The following SEMA5B variants were observed in gnomAD, a reference collection of about 807,000 sequenced individuals.
The protein encoded by SEMA5B is semaphorin 5B.
In SEMA5B, 66 loss-of-function variants were observed where a neutral mutation model predicts 135.0. The observed-to-expected ratio is 0.49, with a 90% CI of 0.40 to 0.60. The LOEUF (loss-of-function observed/expected upper bound fraction) is 0.60, where lower values mean the gene tolerates loss of function less well. Among genes scored for constraint, SEMA5B ranks in the 20% least tolerant of loss-of-function variants. The pLI, the probability that SEMA5B is intolerant of heterozygous loss-of-function variation, is 0.00. For synonymous variants in SEMA5B, 690 were observed against 639.5 expected, an observed-to-expected ratio of 1.08 and a Z score of -1.19; for missense variants, 1,501 against 1,566.3, an observed-to-expected ratio of 0.96 and a Z score of 0.70.
chr3:122,971,983 C>G (rs1053249786), intron 1 of SEMA5B, among the ~76,000 whole-genome samples: 4 of 152,348 alleles, frequency 2.6e-5, no homozygotes, highest in African/African-American at 7.2e-5. Flanking sequence ...GATACTTGTG[C>G]ACTGAGAGCG....
chr3:122,937,150 G>A lies in SEMA5B; in HGVS notation c.474+2275C>T, dbSNP rs375314721. On this transcript the variant is annotated intron_variant, in intron 5 of 22. Transcript: ENST00000357599. ...AGGGAGAGTAGAGGAAGCTGGGCGG[G>A]GGCACCCTGGCCCAGCCGCCCTTGT... is the stretch of plus-strand genomic sequence containing the variant. Among the ~76,000 whole-genome samples, 299 of 152,314 alleles carry A rather than the reference G, an allele frequency of 2.0e-3. 6 individuals are homozygous for A. The South Asian group carries it at 0.039, about 20-fold the overall frequency.
chr3:122,979,055 T>C (rs990571741), intron 1 of SEMA5B, among the ~76,000 whole-genome samples: 3 of 152,022 alleles, frequency 2.0e-5, no homozygotes, highest in Non-Finnish European at 4.4e-5. Context: ...ACAAAGAATG[T>C]CTTGAAAAGA....
At chr3:123,020,871 C>G (rs1164905394) in intron 1 of SEMA5B, among the ~76,000 whole-genome samples, 1 of 152,208 alleles carries the variant, frequency 6.6e-6, no homozygotes, top group Non-Finnish European at 1.5e-5. Flanking sequence ...GGCTGTTCAC[C>G]CCACTTCACA....
At chr3:122,939,961 A>G (rs934295546) in intron 4 of SEMA5B, among the ~76,000 whole-genome samples, 1 of 151,938 alleles carries the variant, frequency 6.6e-6, no homozygotes, top group African/African-American at 2.4e-5. Flanking sequence ...CTGGCTCCAC[A>G]TCCCGGGGTC....
intron 1 of SEMA5B, among the ~76,000 whole-genome samples, chr3:122,963,921 C>T (rs13321855): frequency 0.012 from 1,832 of 152,228 alleles, 40 homozygotes; most frequent in African/African-American, 0.042. Context: ...TCCCTCTTCT[C>T]TCACTGTAGC....
At chr3:123,008,281 CTG>C (rs1423596033) in intron 1 of SEMA5B, among the ~76,000 whole-genome samples, 1 of 152,214 alleles carries the variant, frequency 6.6e-6, no homozygotes, top group Non-Finnish European at 1.5e-5. Flanking sequence ...CAATAATAAA[CTG>C]AGAATCGAAC....
intron 5 of SEMA5B, among the ~76,000 whole-genome samples, chr3:122,938,098 CT>C (rs1168189833): frequency 2.6e-5 from 4 of 152,356 alleles, no homozygotes; most frequent in African/African-American, 9.6e-5. Flanking sequence ...CAGGAATATG[CT>C]GCACAGCCCC....
rs764621917 is a variant in SEMA5B at position 122,910,969 on chromosome 3, G to A, written c.3168C>T (p.Tyr1056=). The change falls in exon 22 of 23, where the codon TAC becomes TAT. Residue 1056 remains tyrosine, a synonymous_variant. Transcript: ENST00000357599. The part of the protein sequence containing the change: ...LGSGLLTLAV[Y]LSCQHCQRQS... ...GACGCTGGCAGTGCTGGCAAGACAG[G>A]TACACTGCTAGGGTCAGGAGCCCAG... The A allele has an allele frequency of 2.4e-5, 39 of 1,613,898 alleles. No individual in the cohort carries two copies. The African/African-American group carries it at 4.8e-4, about 20-fold the overall frequency.
intron 1 of SEMA5B, among the ~76,000 whole-genome samples, chr3:122,994,117 C>T (rs1049670181): frequency 1.3e-5 from 2 of 152,056 alleles, no homozygotes; most frequent in African/African-American, 4.8e-5. Context: ...CACTACAGCC[C>T]GACTTCCTCA....
At chr3:122,911,676 C>T in intron 20 of SEMA5B, 141 bp from the exon 21 acceptor site, 1 of 1,001,008 alleles carries the variant, frequency 1.0e-6, no homozygotes, top group South Asian at 1.7e-5. Flanking sequence ...TCATTCCCCT[C>T]CCTCTCTCCT....
chr3:123,021,959 G>A (rs1019741805), intron 1 of SEMA5B, among the ~76,000 whole-genome samples: 2 of 152,188 alleles, frequency 1.3e-5, no homozygotes, highest in East Asian at 3.8e-4. Flanking sequence ...GTTAACAACA[G>A]GGGGGTTGGA....
rs184374434 is a variant in SEMA5B at position 122,953,897 on chromosome 3, C to A, written c.125-5188G>T. ...TCATATGTACCATGGGGTCCCCATC[C>A]CAGCCATAGCTGCTTATACCAGGAT... On this transcript the variant is annotated intron_variant, in intron 2 of 22. Transcript: ENST00000357599. Among the ~76,000 whole-genome samples, 32 of 152,290 alleles carry A rather than the reference C, an allele frequency of 2.1e-4. No individual in the cohort carries two copies. In the East Asian group the frequency reaches 4.1e-3, roughly 19 times the overall value.
intron 21 of SEMA5B, 134 bp from the exon 22 acceptor site, chr3:122,911,179 A>T: frequency 9.8e-7 from 1 of 1,023,716 alleles, no homozygotes; most frequent in Non-Finnish European, 1.4e-6. Context: ...CCACAGCCAA[A>T]GGAAACAGGG....
intron 1 of SEMA5B, among the ~76,000 whole-genome samples, chr3:123,026,415 A>C (rs1309062495): frequency 1.5e-5 from 2 of 136,274 alleles, no homozygotes; most frequent in East Asian, 2.6e-4. Context: ...CGCGGCGGGC[A>C]GTCGGAACTA....
intron 1 of SEMA5B, among the ~76,000 whole-genome samples, chr3:122,994,437 C>T (rs1480594491): frequency 1.3e-5 from 2 of 152,192 alleles, no homozygotes; most frequent in African/African-American, 4.8e-5. Context: ...AAAGTGATTA[C>T]TCTTTCTTGG....
chr3:122,939,311 G>A (rs1254193279), intron 5 of SEMA5B, 114 bp downstream of exon 5: 11 of 809,172 alleles, frequency 1.4e-5, no homozygotes, highest in Middle Eastern at 2.3e-4. Flanking sequence ...AGAACAAGTG[G>A]CTCCTGTTTT....
chr3:122,972,359 T>C (rs1002821712), intron 1 of SEMA5B, among the ~76,000 whole-genome samples: 2 of 152,184 alleles, frequency 1.3e-5, no homozygotes, highest in Admixed American at 1.3e-4. Context: ...ACACAAATGG[T>C]TCTGCTGCCC....
intron 5 of SEMA5B, among the ~76,000 whole-genome samples, chr3:122,936,615 G>A (rs546351418): frequency 6.6e-6 from 1 of 152,222 alleles, no homozygotes; most frequent in Non-Finnish European, 1.5e-5. Flanking sequence ...TTCTGGCAAA[G>A]GTCGCTCACG....
intron 1 of SEMA5B, among the ~76,000 whole-genome samples, chr3:123,015,836 A>T (rs1048475287): frequency 6.6e-6 from 1 of 152,160 alleles, no homozygotes; most frequent in Non-Finnish European, 1.5e-5. Flanking sequence ...AGCTCCAAAG[A>T]GGGTCCACTC....
Sources: allele counts gnomAD v4.1 joint callset (sites outside exome capture counted in the v4.1 genomes callset), GRCh38; gene constraint gnomAD v4.1.1; transcripts MANE v1.5; gene names NCBI Gene and HGNC (gene_info 2026-07-23, HGNC 2026-07-21).